PIK3C3: variants seen among roughly 807,000 people sequenced by gnomAD.
PIK3C3 encodes PI3-kinase type 3.
In PIK3C3, 95 loss-of-function variants were observed where a neutral mutation model predicts 126.1. That is an observed-to-expected ratio of 0.75 (90% confidence interval 0.64 to 0.89). The LOEUF (loss-of-function observed/expected upper bound fraction) is 0.89, where lower values mean the gene tolerates loss of function less well. Among genes scored for constraint, PIK3C3 ranks in the 40% least tolerant of loss-of-function variants. The pLI is 0.00. For synonymous variants in PIK3C3, 374 were observed against 360.0 expected (o/e 1.04, Z -0.44); for missense variants, 829 against 1,063.2 (o/e 0.78, Z 3.06).
intron 24 of PIK3C3, among the ~76,000 whole-genome samples, chr18:42,073,170 C>T (rs145039921): frequency 0.011 from 1,605 of 152,172 alleles, 22 homozygotes; most frequent in African/African-American, 0.037. Context: ...TTCAGAAGTT[C>T]CAGCTCAAGA....
chr18:42,052,621 T>A (rs1366491828), intron 21 of PIK3C3: 1 of 152,186 alleles, frequency 6.6e-6, no homozygotes, highest in African/African-American at 2.4e-5. Context: ...ATAATAATTT[T>A]AAAAAGTTTG....
intron 3 of PIK3C3, among the ~76,000 whole-genome samples, chr18:41,968,811 T>G (rs1980502468): frequency 6.6e-6 from 1 of 151,106 alleles, no homozygotes; most frequent in Admixed American, 6.6e-5. Context: ...GACAATTTTT[T>G]TTTGTTGTTT....
At chr18:42,041,096 C>A (rs906974802) in intron 19 of PIK3C3, among the ~76,000 whole-genome samples, 1 of 151,934 alleles carries the variant, frequency 6.6e-6, no homozygotes. Context: ...CCAGGAGAAT[C>A]GCTTGAACCC....
At position 42,031,539 on chromosome 18, in the gene PIK3C3, C is replaced by T. The variant is rs761350685; in HGVS notation, c.1707+2098C>T. On this transcript the variant is annotated intron_variant, in intron 15 of 24. Coordinates refer to ENST00000262039, the MANE Select transcript of PIK3C3 (RefSeq NM_002647.4). ...TCCCGTCTTCAAGCAATTAACCTGC[C>T]TCAGCCTCCCAGGCAGCTGGGACTG... Among the ~76,000 whole-genome samples the T allele has an allele frequency of 2.4e-4, 36 of 152,238 alleles. 1 individual carries two copies. The highest frequency in any genetic ancestry group is 1.2e-3 in the South Asian group (6 of 4,824).
intron 24 of PIK3C3, 126 bp from the exon 25 acceptor site, chr18:42,080,997 A>T (rs1986227079): frequency 1.0e-5 from 6 of 595,864 alleles, no homozygotes; most frequent in Non-Finnish European, 1.8e-5. Context: ...TCTTGGTAGC[A>T]TTTAGCAAAC....
At chr18:42,057,432 T>G (rs927405041) in intron 21 of PIK3C3, among the ~76,000 whole-genome samples, 3 of 152,290 alleles carry the variant, frequency 2.0e-5, no homozygotes, top group African/African-American at 7.2e-5. Flanking sequence ...TTCTAAAATT[T>G]TTTTTGAGTA....
chr18:41,996,817 G>T, intron 9 of PIK3C3, 87 bp downstream of exon 9: 1 of 717,232 alleles, frequency 1.4e-6, no homozygotes, highest in Non-Finnish European at 2.3e-6. Flanking sequence ...CATGGAAATT[G>T]TTATTGTCAC....
intron 23 of PIK3C3, among the ~76,000 whole-genome samples, chr18:42,066,294 G>A (rs1341067665): frequency 6.6e-6 from 1 of 152,178 alleles, no homozygotes; most frequent in Admixed American, 6.5e-5. Flanking sequence ...GAAGAGACAA[G>A]GGCACTGAGC....
At chr18:42,075,528 CTCTG>C (rs1435957535) in intron 24 of PIK3C3, among the ~76,000 whole-genome samples, 1 of 151,840 alleles carries the variant, frequency 6.6e-6, no homozygotes, top group Non-Finnish European at 1.5e-5. Context: ...AAAGTTCTTT[CTCTG>C]TATCAACTCT....
intron 21 of PIK3C3, among the ~76,000 whole-genome samples, chr18:42,055,164 G>A (rs1022797706): frequency 6.6e-6 from 1 of 152,044 alleles, no homozygotes; most frequent in South Asian, 2.1e-4. Context: ...TGGAGGTAAT[G>A]AGTGAGCTCT....
At chr18:42,010,496 G>C (rs938252597) in intron 10 of PIK3C3, among the ~76,000 whole-genome samples, 2 of 152,128 alleles carry the variant, frequency 1.3e-5, no homozygotes, top group Admixed American at 6.5e-5. Context: ...CTCCCGAGTA[G>C]CTGAGATTAC....
At chr18:41,985,430 A>G (rs1568122229) in intron 4 of PIK3C3, among the ~76,000 whole-genome samples, 1 of 152,170 alleles carries the variant, frequency 6.6e-6, no homozygotes, top group Non-Finnish European at 1.5e-5. Context: ...AGTCAGGTAC[A>G]GGAGACAGAC....
At chr18:41,964,611 T>A (rs1461128945) in intron 3 of PIK3C3, among the ~76,000 whole-genome samples, 1 of 152,138 alleles carries the variant, frequency 6.6e-6, no homozygotes, top group Non-Finnish European at 1.5e-5. Context: ...AGGATAGTAT[T>A]ATAAAATGTT....
At position 42,087,339 on chromosome 18, in the gene PIK3C3, G is replaced by T. The variant is rs575956396; in HGVS notation, c.*6202G>T. On this transcript the variant is annotated 3_prime_UTR_variant, in exon 25 of 25. Coordinates refer to ENST00000262039, the MANE Select transcript of PIK3C3 (RefSeq NM_002647.4). ...TTGAGGAGGTGGTTTCTGATTGGTT[G>T]CATCATGTATGACGTTTGCAAGGTG... 6.6e-6 allele frequency: 1 copy of T among 152,344 alleles called. No individual in the cohort carries two copies. The highest frequency in any genetic ancestry group is 1.9e-4 in the East Asian group (1 of 5,182). The allele number at this position is 152,344 out of a possible 1,614,324, so 9.4% of individuals were successfully genotyped here. A position where few individuals can be genotyped will look rare whatever the true frequency, so the allele number is the denominator to read the frequency against.
chr18:41,998,225 C>G (rs1247603403), intron 9 of PIK3C3, among the ~76,000 whole-genome samples: 1 of 152,068 alleles, frequency 6.6e-6, no homozygotes, highest in Non-Finnish European at 1.5e-5. Flanking sequence ...TTTCAATTTA[C>G]TATAGCTTTG....
At chr18:42,046,223 A>G (rs1018325138) in intron 20 of PIK3C3, among the ~76,000 whole-genome samples, 1 of 152,186 alleles carries the variant, frequency 6.6e-6, no homozygotes, top group Admixed American at 6.5e-5. Context: ...CTCTTCATCT[A>G]GAAGAGCCTT....
chr18:41,996,676 T>A lies in PIK3C3; in HGVS notation c.930T>A (p.Tyr310Ter), dbSNP rs199690799. ...ATCCACCAACCAAGCAACTTACATA[T>A]GAAGAACAAGATCTTGTTTGGAAGT... is the stretch of plus-strand genomic sequence containing the variant. Reference protein sequence around the residue: ...VSYPPTKQLTYEEQDLVWKFR... With the variant: ...VSYPPTKQLT Residue 310 changes from tyrosine (Y) to a stop codon, truncating the protein, a stop_gained, in exon 9 of 25, where the codon TAT (tyrosine) becomes TAA (stop). Transcript: ENST00000262039. LOFTEE classifies it high-confidence loss of function. 1 of 1,578,224 alleles carries A rather than the reference T, an allele frequency of 6.3e-7. No homozygotes were observed. Among genetic ancestry groups the A allele is most frequent in the East Asian group, 2.3e-5 (1 of 43,748 alleles).
intron 24 of PIK3C3, among the ~76,000 whole-genome samples, chr18:42,072,562 G>A (rs900606507): frequency 6.6e-6 from 1 of 151,946 alleles, no homozygotes; most frequent in Non-Finnish European, 1.5e-5. Context: ...TTGGCATCTT[G>A]TTCTGTCGCC....
intron 17 of PIK3C3, 31 bp downstream of exon 17, chr18:42,037,851 T>C (rs1372337508): frequency 1.3e-6 from 2 of 1,575,836 alleles, no homozygotes; most frequent in African/African-American, 1.3e-5. Context: ...GTGGGGAACA[T>C]TTTTTTCGTT....
Sources: allele counts gnomAD v4.1 joint callset (sites outside exome capture counted in the v4.1 genomes callset), GRCh38; gene constraint gnomAD v4.1.1; transcripts MANE v1.5; gene names NCBI Gene and HGNC (gene_info 2026-07-23, HGNC 2026-07-21).